CHIC2: variants seen among roughly 807,000 people sequenced by gnomAD.
The protein encoded by CHIC2 is cysteine-rich hydrophobic domain-containing protein 2.
In CHIC2, 14 loss-of-function variants were observed where a neutral mutation model predicts 25.9. The observed-to-expected ratio is 0.54, with a 90% CI of 0.36 to 0.85. The LOEUF is 0.85. CHIC2 is among the 40% of genes least tolerant of loss of function. CHIC2 has a pLI of 0.01. For synonymous variants in CHIC2, 70 were observed against 72.0 expected (o/e 0.97, Z 0.14); for missense variants, 146 against 202.0 (o/e 0.72, Z 1.68).
Position 54,064,210 on chromosome 4 carries a change from C to G in CHIC2, c.91G>C (p.Val31Leu). The change falls in exon 1 of 6, where the codon GTC becomes CTC. Residue 31 changes from valine (V) to leucine (L), a missense_variant. By Grantham distance (32) the Val-to-Leu change is conservative. Transcript: ENST00000263921. This position sits in a 1 kb window ranked among gnomAD's most constrained non-coding sequence, Gnocchi z 4.2. The stretch of plus-strand genomic sequence containing the variant: ...GTGACGTGACCGGAGCCGCGGACGA[C>G]CACCGGGTCCGGCGAGTACTTGAGC... ...QLLKYSPDPV[V>L]VRGSGHVTVF... 1 of 1,606,212 alleles carries G rather than the reference C, an allele frequency of 6.2e-7. No homozygotes were observed. Among genetic ancestry groups the G allele is most frequent in the South Asian group, 1.1e-5 (1 of 89,654 alleles).
chr4:54,078,757 T>C, the CHIC2 span, among the ~76,000 whole-genome samples: 1 of 151,896 alleles, frequency 6.6e-6, no homozygotes, highest in Non-Finnish European at 1.5e-5. Flanking sequence ...TCAAGTGATC[T>C]GCCCACCTTG....
chr4:54,014,804 T>C (rs904368999), intron 3 of CHIC2, among the ~76,000 whole-genome samples: 7 of 152,146 alleles, frequency 4.6e-5, no homozygotes, highest in African/African-American at 1.7e-4. Flanking sequence ...GAAATGTTTC[T>C]TGCTTGAGAA....
At chr4:54,037,691 C>G (rs1028010305) in intron 3 of CHIC2, among the ~76,000 whole-genome samples, 67 of 152,100 alleles carry the variant, frequency 4.4e-4, no homozygotes, top group African/African-American at 1.5e-3. Flanking sequence ...TTTAAAAGAA[C>G]TGATATCACA....
At chr4:54,046,450 G>A (rs1170670216) in intron 3 of CHIC2, among the ~76,000 whole-genome samples, 1 of 152,030 alleles carries the variant, frequency 6.6e-6, no homozygotes, top group Non-Finnish European at 1.5e-5. Flanking sequence ...TACCAAAACA[G>A]ATATAGACCA....
At chr4:54,088,511 G>C in the CHIC2 span, among the ~76,000 whole-genome samples, 3 of 152,202 alleles carry the variant, frequency 2.0e-5, no homozygotes, top group African/African-American at 7.2e-5. Flanking sequence ...GAAGTAAGAC[G>C]TGTGAGCTTG....
intron 1 of CHIC2, among the ~76,000 whole-genome samples, chr4:54,052,124 C>CTTT (rs33981108): frequency 1.6e-5 from 1 of 61,392 alleles, no homozygotes; most frequent in Admixed American, 1.4e-4. Flanking sequence ...CTGCCAAAAC[C>CTTT]TTTTTTTTTA....
intron 3 of CHIC2, among the ~76,000 whole-genome samples, chr4:54,030,823 G>A (rs1263542699): frequency 1.3e-5 from 2 of 150,208 alleles, no homozygotes; most frequent in East Asian, 2.0e-4. Context: ...ATGAGCCACC[G>A]CACCTGGCCT....
the CHIC2 span, among the ~76,000 whole-genome samples, chr4:54,088,389 A>G: frequency 3.3e-5 from 5 of 152,206 alleles, no homozygotes; most frequent in Non-Finnish European, 2.9e-5. Context: ...GAAAAAGTTG[A>G]TATTTTAGGA....
chr4:54,062,554 C>T (rs1022198406), intron 1 of CHIC2, among the ~76,000 whole-genome samples: 1 of 152,074 alleles, frequency 6.6e-6, no homozygotes, highest in African/African-American at 2.4e-5. Flanking sequence ...TACTGATTAC[C>T]TAGGTTCTGA....
rs1324628646 is a variant in CHIC2 at position 54,064,442 on chromosome 4, G to A, written c.-142C>T. The A allele has an allele frequency of 6.6e-7, 1 of 1,505,122 alleles. No individual in the cohort carries two copies. Among genetic ancestry groups the A allele is most frequent in the Non-Finnish European group, 8.8e-7 (1 of 1,131,922 alleles). The allele number at this position is 1,505,122 out of a possible 1,614,324, so 93.2% of individuals were successfully genotyped here. A position where few individuals can be genotyped will look rare whatever the true frequency, so the allele number is the denominator to read the frequency against. ...CGCGGAGTTCGCTGTCGGCTGTCTC[G>A]GCTCCGGCTACAGAGGGGATGGGGT... On this transcript the variant is annotated 5_prime_UTR_variant, in exon 1 of 6. Transcript: ENST00000263921. This position sits in a 1 kb window ranked among gnomAD's most constrained non-coding sequence, Gnocchi z 4.2.
In CHIC2 at chr4:54,060,387, A is replaced by G. The variant is rs556286863; in HGVS notation, c.119+3795T>C. On this transcript the variant is annotated intron_variant, in intron 1 of 5. Coordinates refer to ENST00000263921, the MANE Select transcript of CHIC2 (RefSeq NM_012110.4). ...ATTACACCTCAGAAGAGAGTACATG[A>G]AGACACGGTAAAATTACAAGAGAAT... 6.6e-5 allele frequency: 10 copies of G among 152,310 alleles called. No homozygotes were observed. In the East Asian group the frequency reaches 1.9e-3, roughly 29 times the overall value. The allele number at this position is 152,310 out of a possible 1,614,324, so 9.4% of individuals were successfully genotyped here.
Position 54,058,281 on chromosome 4 carries a change from G to A in CHIC2, c.119+5901C>T, listed in dbSNP as rs1344380680. 3.9e-5 allele frequency among the ~76,000 whole-genome samples: 6 copies of A among 152,094 alleles called. No homozygotes were observed. The South Asian group carries it at 6.2e-4, about 16-fold the overall frequency. On this transcript the variant is annotated intron_variant, in intron 1 of 5. Coordinates refer to ENST00000263921, the MANE Select transcript of CHIC2 (RefSeq NM_012110.4). Reference sequence around the variant, plus strand: ...ATTAGATAAATTCTGACTCTCACACGTAACCTCTAAGGTGGATATTATCTC... The same window carrying A: ...ATTAGATAAATTCTGACTCTCACACATAACCTCTAAGGTGGATATTATCTC...
At chr4:54,064,778 C>G (rs913230677), upstream of CHIC2, 2 of 449,428 alleles carry the variant, frequency 4.5e-6, no homozygotes, top group African/African-American at 2.1e-5. This position sits in a 1 kb window ranked among gnomAD's most constrained non-coding sequence, Gnocchi z 4.2. Context: ...ACCGTCTTTC[C>G]TCTGCTTCTA....
intron 1 of CHIC2, among the ~76,000 whole-genome samples, chr4:54,056,735 T>C (rs1428152448): frequency 6.6e-6 from 1 of 152,232 alleles, no homozygotes; most frequent in Non-Finnish European, 1.5e-5. Context: ...AAAAAAATTA[T>C]TCTTCAGGGA....
intron 3 of CHIC2, among the ~76,000 whole-genome samples, chr4:54,019,426 C>CT (rs1441642335): frequency 1.3e-5 from 2 of 151,946 alleles, no homozygotes; most frequent in African/African-American, 4.8e-5. Context: ...TAGAAATACG[C>CT]TAAAAAAAAT....
At chr4:54,091,833 C>T in the CHIC2 span, among the ~76,000 whole-genome samples, 1 of 152,226 alleles carries the variant, frequency 6.6e-6, no homozygotes, top group Non-Finnish European at 1.5e-5. Flanking sequence ...CACACTCGCC[C>T]CCACCTCGCC....
At chr4:54,028,475 A>C (rs140363293) in intron 3 of CHIC2, among the ~76,000 whole-genome samples, 3 of 152,274 alleles carry the variant, frequency 2.0e-5, no homozygotes, top group African/African-American at 7.2e-5. Context: ...AATAATCTGA[A>C]TATCTGATTT....
At chr4:54,059,741 C>G (rs1486326922) in intron 1 of CHIC2, 2 of 152,090 alleles carry the variant, frequency 1.3e-5, no homozygotes, top group Non-Finnish European at 2.9e-5. Flanking sequence ...AACAGTGATT[C>G]ATTTGGCAAT....
rs927317192 is a variant in CHIC2, at chr4:54,058,896, C to T, written c.119+5286G>A. Among the ~76,000 whole-genome samples, 10 of 152,156 alleles carry T rather than the reference C, an allele frequency of 6.6e-5. No homozygotes were observed. The South Asian group carries it at 1.5e-3, about 22-fold the overall frequency. On this transcript the variant is annotated intron_variant, in intron 1 of 5. Coordinates refer to ENST00000263921, the MANE Select transcript of CHIC2 (RefSeq NM_012110.4). ...TATCATAATAATTACATATAATTTA[C>T]TTTTCACCATTTAATCCCTCTTTTC...
Sources: gnomAD v4.1 joint callset for allele counts (sites outside exome capture counted in the v4.1 genomes callset) on GRCh38, gnomAD v4.1.1 for gene constraint, Gnocchi (gnomAD v3.1) non-coding constraint, MANE v1.5 for transcripts, NCBI Gene and HGNC (gene_info 2026-07-23, HGNC 2026-07-21) for gene names.